CHL1: variants seen among roughly 807,000 people sequenced by gnomAD.
CHL1 encodes cell adhesion molecule L1 like.
A neutral mutation model predicts 141.9 loss-of-function variants in CHL1; 96 were observed. The observed-to-expected ratio is 0.68, with a 90% CI of 0.57 to 0.80. The LOEUF (loss-of-function observed/expected upper bound fraction) is 0.80. CHL1 is among the 30% of genes least tolerant of loss of function. CHL1 has a pLI of 0.00. For synonymous variants in CHL1, 613 were observed against 502.2 expected (o/e 1.22, Z -2.95); for missense variants, 1,820 against 1,457.2 (o/e 1.25, Z -4.05).
chr3:382,126 G>A (rs1707119455), intron 16 of CHL1, 53 bp from the exon 17 acceptor site: 1 of 1,493,722 alleles, frequency 6.7e-7, no homozygotes, highest in African/African-American at 1.4e-5. Context: ...CTGAGGAAGG[G>A]AATCAGGTAA....
chr3:261,113 A>G (rs966104995), intron 2 of CHL1, among the ~76,000 whole-genome samples: 2 of 152,208 alleles, frequency 1.3e-5, no homozygotes, highest in African/African-American at 4.8e-5. Context: ...GGCACACCCT[A>G]TGGCTTTACC....
intron 1 of CHL1, among the ~76,000 whole-genome samples, chr3:209,593 T>C (rs1217846906): frequency 6.6e-6 from 1 of 152,192 alleles, no homozygotes; most frequent in Non-Finnish European, 1.5e-5. Flanking sequence ...ACTTCAAGTT[T>C]TAGGGTACAT....
chr3:242,452 C>G (rs1314288357), intron 1 of CHL1, among the ~76,000 whole-genome samples: 1 of 142,012 alleles, frequency 7.0e-6, no homozygotes, highest in Admixed American at 7.2e-5. Flanking sequence ...AAAAATTATC[C>G]CGGCGTGGTG....
rs1704177170 is a variant in CHL1, at chr3:360,846, G to C, written c.1306+422G>C. The stretch of plus-strand genomic sequence containing the variant: ...TATGAGTGAGAATATGCAGTGTTTG[G>C]TTTTTTGTTCTTGCGATAGTTTACT... On this transcript the variant is annotated intron_variant, in intron 12 of 27. Coordinates refer to ENST00000256509, the MANE Select transcript of CHL1 (RefSeq NM_006614.4). 2.0e-5 allele frequency among the ~76,000 whole-genome samples: 3 copies of C among 147,042 alleles called. No homozygotes were observed. In the Admixed American group the frequency reaches 2.1e-4, roughly 10 times the overall value.
Position 344,584 on chromosome 3 carries a change from T to A in CHL1, c.728-5T>A, listed in dbSNP as rs751979722. ...AAATTCTGACTTTTCTTTTCTATTT[T>A]GTAGCAAATTCCATCAAGCAAAGAA... is the stretch of plus-strand genomic sequence containing the variant. On this transcript the variant is annotated splice_polypyrimidine_tract_variant and splice_region_variant and intron_variant, in intron 8 of 27. Coordinates refer to ENST00000256509, the MANE Select transcript of CHL1 (RefSeq NM_006614.4). 1.2e-6 allele frequency: 2 copies of A among 1,605,646 alleles called. No individual in the cohort carries two copies. Among genetic ancestry groups the A allele is most frequent in the Admixed American group, 3.4e-5 (2 of 58,106 alleles).
chr3:216,916 A>C (rs1443901981), intron 1 of CHL1, among the ~76,000 whole-genome samples: 3 of 152,174 alleles, frequency 2.0e-5, no homozygotes, highest in Non-Finnish European at 2.9e-5. Context: ...CTTCTTTGTC[A>C]ATATTTTCAC....
chr3:377,679 C>G, intron 15 of CHL1, 139 bp from the exon 16 acceptor site: 1 of 668,406 alleles, frequency 1.5e-6, no homozygotes, highest in Non-Finnish European at 2.4e-6. Flanking sequence ...GTGGCATTCT[C>G]TAATCAAATT....
intron 2 of CHL1, among the ~76,000 whole-genome samples, chr3:286,155 G>T (rs1480254125): frequency 6.6e-6 from 1 of 152,054 alleles, no homozygotes; most frequent in Non-Finnish European, 1.5e-5. Context: ...CCCTACCCCA[G>T]ATAACACCAC....
At chr3:356,759 G>C (rs1703758912) in intron 11 of CHL1, among the ~76,000 whole-genome samples, 1 of 152,214 alleles carries the variant, frequency 6.6e-6, no homozygotes, top group African/African-American at 2.4e-5. Flanking sequence ...GACTGAAGCT[G>C]AGGGAGTGCA....
chr3:329,458 A>G (rs1025573365), intron 5 of CHL1, among the ~76,000 whole-genome samples: 2 of 152,098 alleles, frequency 1.3e-5, no homozygotes, highest in South Asian at 4.1e-4. Context: ...AGGAAGGAAT[A>G]TAGGTCAAAT....
At chr3:317,139 A>C (rs919280792) in intron 2 of CHL1, among the ~76,000 whole-genome samples, 2 of 152,040 alleles carry the variant, frequency 1.3e-5, no homozygotes, top group Non-Finnish European at 1.5e-5. Context: ...AATTGAAGCT[A>C]ATTCCTGCAG....
intron 15 of CHL1, among the ~76,000 whole-genome samples, chr3:366,501 A>G (rs1425358840): frequency 1.3e-5 from 2 of 151,862 alleles, no homozygotes; most frequent in Non-Finnish European, 2.9e-5. Flanking sequence ...TAAAGCATTC[A>G]TACAGAAACA....
intron 14 of CHL1, 117 bp from the exon 15 acceptor site, chr3:365,833 A>C (rs1178265963): frequency 1.5e-6 from 1 of 687,128 alleles, no homozygotes; most frequent in Non-Finnish European, 2.4e-6. Flanking sequence ...AGTGGGACAA[A>C]CCCTGCATGA....
chr3:209,453 A>G (rs1444474682), intron 1 of CHL1, among the ~76,000 whole-genome samples: 2 of 152,212 alleles, frequency 1.3e-5, no homozygotes, highest in Non-Finnish European at 2.9e-5. Context: ...AAATTGACAT[A>G]CCACCTATAG....
At chr3:346,880 C>A (rs995007544) in intron 9 of CHL1, among the ~76,000 whole-genome samples, 1 of 152,014 alleles carries the variant, frequency 6.6e-6, no homozygotes, top group Non-Finnish European at 1.5e-5. Flanking sequence ...TTGTGTCAAG[C>A]ACTATATTTG....
rs961810867 is a variant in CHL1, at chr3:352,709, T to C, written c.1034-1931T>C. On this transcript the variant is annotated intron_variant, in intron 10 of 27. Transcript: ENST00000256509. ...GACCAGCTTACTTCTATAGGAGAAA[T>C]GGATGAAAAGCATTAAAGTAAATTT... 2.6e-5 allele frequency among the ~76,000 whole-genome samples: 4 copies of C among 152,034 alleles called. No individual in the cohort carries two copies. In the South Asian group the frequency reaches 8.3e-4, roughly 31 times the overall value.
chr3:369,647 G>A (rs1705372812), intron 15 of CHL1, among the ~76,000 whole-genome samples: 1 of 152,246 alleles, frequency 6.6e-6, no homozygotes, highest in African/African-American at 2.4e-5. Context: ...GAATAGGAGT[G>A]GTGAGAGAGG....
intron 2 of CHL1, among the ~76,000 whole-genome samples, chr3:273,242 G>C (rs996066097): frequency 3.9e-5 from 6 of 152,158 alleles, no homozygotes; most frequent in African/African-American, 1.4e-4. Flanking sequence ...GCTAGAAACA[G>C]GTCAATAAAT....
intron 2 of CHL1, among the ~76,000 whole-genome samples, chr3:266,256 G>A (rs1169778112): frequency 6.6e-6 from 1 of 152,110 alleles, no homozygotes; most frequent in Admixed American, 6.5e-5. Flanking sequence ...GTCTAAACTT[G>A]TAGGTCTAAA....
Sources: gnomAD v4.1 joint callset for allele counts (sites outside exome capture counted in the v4.1 genomes callset) on GRCh38, gnomAD v4.1.1 for gene constraint, MANE v1.5 for transcripts, NCBI Gene and HGNC (gene_info 2026-07-23, HGNC 2026-07-21) for gene names.